The following PROM1 variants were observed in gnomAD, a reference collection of about 807,000 sequenced individuals.
PROM1 encodes the protein prominin 1.
PROM1 carries 105 observed loss-of-function variants against 116.9 expected under a neutral mutation model. The observed-to-expected ratio is 0.90, with a 90% CI of 0.77 to 1.06. The LOEUF (loss-of-function observed/expected upper bound fraction) is 1.06. Among genes scored for constraint, PROM1 ranks in the 50% least tolerant of loss-of-function variants. The probability of loss-of-function intolerance (pLI) is 0.00; values close to 1 mark genes in which losing one functional copy is unlikely to be tolerated. For missense variants in PROM1, 1,122 were observed against 1,045.2 expected (o/e 1.07, Z -1.01); for synonymous variants, 393 against 387.0 (o/e 1.02, Z -0.18).
chr4:15,997,829 G>A (rs2149165539), intron 15 of PROM1, among the ~76,000 whole-genome samples: 1 of 152,256 alleles, frequency 6.6e-6, no homozygotes, highest in South Asian at 2.1e-4. Flanking sequence ...GGCACCATTC[G>A]AATCTCATGT....
chr4:16,062,037 G>T (rs1424588273), intron 2 of PROM1, among the ~76,000 whole-genome samples: 1 of 151,882 alleles, frequency 6.6e-6, no homozygotes. Flanking sequence ...GACTACGGGC[G>T]CCTGCCACCA....
chr4:16,056,069 AG>A (rs1259938272), intron 2 of PROM1, among the ~76,000 whole-genome samples: 2 of 152,072 alleles, frequency 1.3e-5, no homozygotes, highest in Admixed American at 6.6e-5. Context: ...GTGTGCAAGC[AG>A]GGGGTTAGGA....
intron 2 of PROM1, among the ~76,000 whole-genome samples, chr4:16,071,655 C>T (rs1283697251): frequency 2.6e-5 from 4 of 152,264 alleles, no homozygotes; most frequent in South Asian, 2.1e-4. Context: ...GAGCACACAG[C>T]GAGAAGGTGG....
At chr4:16,026,157 C>T (rs570274165) in intron 5 of PROM1, among the ~76,000 whole-genome samples, 1 of 152,194 alleles carries the variant, frequency 6.6e-6, no homozygotes, top group South Asian at 2.1e-4. Flanking sequence ...ACAGGAAAGC[C>T]TTCTCTATGT....
chr4:16,024,864 A>C (rs780647824), intron 6 of PROM1, among the ~76,000 whole-genome samples: 2 of 152,362 alleles, frequency 1.3e-5, no homozygotes, highest in South Asian at 2.1e-4. Context: ...CTATACTGCC[A>C]AAAAGAAAGG....
chr4:15,980,297 T>A (rs1717435268), intron 24 of PROM1, 125 bp downstream of exon 24: 2 of 664,420 alleles, frequency 3.0e-6, no homozygotes, highest in Non-Finnish European at 2.5e-6. Context: ...GTGACCCAAC[T>A]ACTACTAAAA....
Position 16,066,585 on chromosome 4 carries a change from G to T in PROM1, c.220+9102C>A, listed in dbSNP as rs952411113. On this transcript the variant is annotated intron_variant, in intron 2 of 27. Transcript: ENST00000447510. Reference sequence around the variant, plus strand: ...TCTTGATCCCAGGCACAGGCCACCTGTGTCATCTCTCCTGGAAAAGTCATC... The same window carrying T: ...TCTTGATCCCAGGCACAGGCCACCTTTGTCATCTCTCCTGGAAAAGTCATC... Among the ~76,000 whole-genome samples the T allele has an allele frequency of 4.7e-4, 71 of 152,150 alleles. 1 individual carries two copies. Among genetic ancestry groups the T allele is most frequent in the African/African-American group, 1.6e-3 (68 of 41,430 alleles).
chr4:16,063,932 T>C (rs1740924319), intron 2 of PROM1, among the ~76,000 whole-genome samples: 1 of 152,158 alleles, frequency 6.6e-6, no homozygotes, highest in South Asian at 2.1e-4. Flanking sequence ...GAGTTGAAAG[T>C]TGTTGGAGCT....
rs147502645 is a variant in PROM1, at chr4:16,026,066, T to G, written c.510-754A>C. Among the ~76,000 whole-genome samples, 52 of 152,312 alleles carry G rather than the reference T, an allele frequency of 3.4e-4. No homozygotes were observed. The East Asian group carries it at 9.4e-3, about 28-fold the overall frequency. Reference sequence around the variant, plus strand: ...TTCACTTCATGGACACTTACGCATATGTACTTGTGAAAAGGACACTTTCCT... The same window carrying G: ...TTCACTTCATGGACACTTACGCATAGGTACTTGTGAAAAGGACACTTTCCT... On this transcript the variant is annotated intron_variant, in intron 5 of 27. Transcript: ENST00000447510.
rs941717198 is a variant in PROM1 at position 16,004,232 on chromosome 4, A to G, written c.1454+2306T>C. Among the ~76,000 whole-genome samples the G allele has an allele frequency of 4.6e-5, 7 of 152,200 alleles. 1 individual carries two copies. The highest frequency in any genetic ancestry group is 1.4e-4 in the African/African-American group (6 of 41,454). ...GAAATCATAGCCACCCTAAGTCTGC[A>G]GACTCCTTGAAATGAATCAAACAAC... On this transcript the variant is annotated intron_variant, in intron 13 of 27. Transcript: ENST00000447510.
intron 7 of PROM1, among the ~76,000 whole-genome samples, chr4:16,023,689 G>T (rs573531457): frequency 1.2e-4 from 18 of 152,288 alleles, no homozygotes; most frequent in African/African-American, 4.3e-4. Context: ...AACCTCTTCG[G>T]CTAGACCAGA....
At chr4:15,979,757 T>G (rs1273036864) in intron 25 of PROM1, 124 bp downstream of exon 25, 1 of 1,003,416 alleles carries the variant, frequency 1.0e-6, no homozygotes, top group South Asian at 1.6e-5. Context: ...TATTTTTGCC[T>G]GTACAGATCT....
rs531610912 is a variant in PROM1 at position 16,017,348 on chromosome 4, G to C, written c.1002+975C>G. On this transcript the variant is annotated intron_variant, in intron 9 of 27. Coordinates refer to ENST00000447510, the MANE Select transcript of PROM1 (RefSeq NM_006017.3). ...TTGATACATATTAAAAATAAAAAGT[G>C]CACCCCAAAAGGATCTATCTCAAAC... Among the ~76,000 whole-genome samples, 52 of 152,148 alleles carry C rather than the reference G, an allele frequency of 3.4e-4. No individual in the cohort carries two copies. The South Asian group carries it at 0.011, about 32-fold the overall frequency.
chr4:15,985,729 C>T (rs1280910761), intron 22 of PROM1, 31 bp downstream of exon 22: 2 of 1,423,350 alleles, frequency 1.4e-6, no homozygotes, highest in African/African-American at 1.4e-5. Flanking sequence ...ACTTGACCCC[C>T]CTTAACATTC....
intron 23 of PROM1, among the ~76,000 whole-genome samples, chr4:15,980,768 A>G (rs1217989898): frequency 2.0e-5 from 3 of 152,006 alleles, no homozygotes; most frequent in African/African-American, 7.2e-5. Flanking sequence ...AGATCCTATT[A>G]TTATGTTTAT....
intron 20 of PROM1, 105 bp downstream of exon 20, chr4:15,987,558 C>CT (rs3214275): frequency 1.5e-3 from 1,734 of 1,181,624 alleles, no homozygotes; most frequent in Non-Finnish European, 1.6e-3. Flanking sequence ...ATAACTGAGG[C>CT]TTTTTTTTTC....
intron 9 of PROM1, among the ~76,000 whole-genome samples, chr4:16,017,102 TA>T (rs772302922): frequency 5.9e-5 from 9 of 152,192 alleles, no homozygotes; most frequent in Non-Finnish European, 1.2e-4. Context: ...TATTTAGGGG[TA>T]AAAAGGCATG....
chr4:15,991,934 C>CAAA (rs56221717), intron 17 of PROM1, among the ~76,000 whole-genome samples: 4 of 55,320 alleles, frequency 7.2e-5, no homozygotes, highest in African/African-American at 3.1e-4. Flanking sequence ...GACTCCGTCT[C>CAAA]AAAAAAAAAA....
chr4:16,011,602 G>A (rs528396453), intron 11 of PROM1, among the ~76,000 whole-genome samples: 25 of 152,308 alleles, frequency 1.6e-4, no homozygotes, highest in South Asian at 1.4e-3. Context: ...TGCATGTATG[G>A]GCAGGAGAGG....
Sources: allele counts gnomAD v4.1 joint callset (sites outside exome capture counted in the v4.1 genomes callset), GRCh38; gene constraint gnomAD v4.1.1; transcripts MANE v1.5; gene names NCBI Gene and HGNC (gene_info 2026-07-23, HGNC 2026-07-21).